CUZD1: variants seen among roughly 807,000 people sequenced by gnomAD.
CUZD1 encodes CUB and zona pellucida-like domain-containing protein 1.
A neutral mutation model predicts 53.1 loss-of-function variants in CUZD1; 42 were observed. That is an observed-to-expected ratio of 0.79 (90% CI 0.62 to 1.02). The LOEUF (loss-of-function observed/expected upper bound fraction) is 1.02. CUZD1 is among the 50% of genes least tolerant of loss of function. CUZD1 has a pLI of 0.00. For missense variants in CUZD1, 670 were observed against 715.7 expected (o/e 0.94, Z 0.73); for synonymous variants, 238 against 257.2 (o/e 0.93, Z 0.71).
intron 8 of CUZD1, 38 bp downstream of exon 8, chr10:122,833,634 T>C (rs540645038): frequency 1.4e-5 from 23 of 1,597,028 alleles, no homozygotes; most frequent in African/African-American, 4.0e-5. Context: ...TTATGAGCCA[T>C]GATGTGCTTT....
intron 7 of CUZD1, 22 bp from the exon 8 acceptor site, chr10:122,833,962 T>C: frequency 6.3e-7 from 1 of 1,599,194 alleles, no homozygotes; most frequent in Non-Finnish European, 8.5e-7. Context: ...TTTATGAACA[T>C]GTTTAGAAGA....
chr10:122,844,579 G>A (rs1018932793), intron 1 of CUZD1, among the ~76,000 whole-genome samples: 9 of 152,120 alleles, frequency 5.9e-5, no homozygotes, highest in South Asian at 4.2e-4. Context: ...GAAATTACCC[G>A]GTAAGGGGCT....
chr10:122,835,777 TG>T (rs1378347853), intron 6 of CUZD1, among the ~76,000 whole-genome samples: 1 of 152,066 alleles, frequency 6.6e-6, no homozygotes, highest in Admixed American at 6.6e-5. Flanking sequence ...TTTTTTTAAA[TG>T]TTTTTTTTTC....
chr10:122,832,575 A>G, intron 8 of CUZD1, 125 bp from the exon 9 acceptor site: 1 of 584,100 alleles, frequency 1.7e-6, no homozygotes, highest in Non-Finnish European at 2.8e-6. Flanking sequence ...ATAATGCATA[A>G]TGCCAACACA....
At chr10:122,844,200 AT>A (rs1008770909) in intron 1 of CUZD1, among the ~76,000 whole-genome samples, 25 of 149,470 alleles carry the variant, frequency 1.7e-4, no homozygotes, top group African/African-American at 5.7e-4. Context: ...GGCTAAAAAA[AT>A]TTTTTTTTTA....
Position 122,833,878 on chromosome 10 carries a change from A to C in CUZD1, c.1445T>G (p.Phe482Cys). 6.2e-7 allele frequency: 1 copy of C among 1,613,994 alleles called. No individual in the cohort carries two copies. Among genetic ancestry groups the C allele is most frequent in the Non-Finnish European group, 8.5e-7 (1 of 1,179,872 alleles). ...PLFGHYGRFQFNAFKFLRSMS... is the reference protein window; with the variant it reads ...PLFGHYGRFQCNAFKFLRSMS... ...ACTTCTCAAGAATTTAAAGGCATTA[A>C]ACTGGAATCTCCCATAGTGTCCAAA... The change falls in exon 8 of 9, where the codon TTT (phenylalanine) becomes TGT (cysteine). Residue 482 changes from phenylalanine (F) to cysteine (C), a missense_variant. By Grantham distance (205) the Phe-to-Cys change is radical. Coordinates refer to ENST00000392790, the MANE Select transcript of CUZD1 (RefSeq NM_022034.6).
At chr10:122,835,716 A>T (rs1183443720) in intron 6 of CUZD1, among the ~76,000 whole-genome samples, 1 of 152,222 alleles carries the variant, frequency 6.6e-6, no homozygotes, top group Non-Finnish European at 1.5e-5. Flanking sequence ...ACTTCTAGAA[A>T]ATGGAGAACA....
chr10:122,835,547 T>C (rs1281324164), intron 6 of CUZD1, among the ~76,000 whole-genome samples: 1 of 152,202 alleles, frequency 6.6e-6, no homozygotes, highest in African/African-American at 2.4e-5. Context: ...TGTGCGTTCA[T>C]TTTTGGCAAG....
In CUZD1 at chr10:122,834,961, A is replaced by G. The variant is rs1489062454; in HGVS notation, c.1127T>C (p.Ile376Thr). The G allele has an allele frequency of 1.2e-6, 2 of 1,613,798 alleles. No individual in the cohort carries two copies. Among genetic ancestry groups the G allele is most frequent in the Non-Finnish European group, 1.7e-6 (2 of 1,179,790 alleles). The change falls in exon 7 of 9, where the codon ATA (isoleucine) becomes ACA (threonine). Residue 376 changes from isoleucine (I) to threonine (T), a missense_variant. Transcript: ENST00000392790. ...TATTACATCATCTTCTGTTATGTAT[A>G]TTATCTCCACTGTAGAATTATGTCC... Reference protein sequence around the residue: ...EMGHNSTVEIIYITEDDVIQS... With the variant: ...EMGHNSTVEITYITEDDVIQS...
rs544650786 is a variant in CUZD1 at position 122,840,133 on chromosome 10, T to A, written c.234-902A>T. Among the ~76,000 whole-genome samples, 6 of 152,370 alleles carry A rather than the reference T, an allele frequency of 3.9e-5. No homozygotes were observed. The South Asian group carries it at 1.2e-3, about 32-fold the overall frequency. ...ACAGCAAGAATAGCATATATGTTTC[T>A]CAGCAACCATTCCAGGAAATTTGAG... On this transcript the variant is annotated intron_variant, in intron 2 of 8. Coordinates refer to ENST00000392790, the MANE Select transcript of CUZD1 (RefSeq NM_022034.6).
chr10:122,836,737 T>C lies in CUZD1; in HGVS notation c.817+94A>G, dbSNP rs990504269. ...CAACTACATGTGACATGCTTGCAAATAGGAATAGCCACAGGTAGGCTAAAA... is the reference window on the plus strand; with the variant it reads ...CAACTACATGTGACATGCTTGCAAACAGGAATAGCCACAGGTAGGCTAAAA... On this transcript the variant is annotated intron_variant, in intron 5 of 8. Transcript: ENST00000392790. The C allele has an allele frequency of 1.4e-5, 13 of 925,782 alleles. No individual in the cohort carries two copies. The African/African-American group carries it at 2.2e-4, about 15-fold the overall frequency. 57.3% of individuals were successfully genotyped at this position (925,782 alleles called of 1,614,324 possible). A position where few individuals can be genotyped will look rare whatever the true frequency, so the allele number is the denominator to read the frequency against.
chr10:122,833,071 C>T (rs939806228), intron 8 of CUZD1, among the ~76,000 whole-genome samples: 1 of 152,084 alleles, frequency 6.6e-6, no homozygotes, highest in Admixed American at 6.5e-5. Flanking sequence ...TCCTTTAATG[C>T]CATTTACAAC....
chr10:122,832,271 C>T lies in CUZD1; in HGVS notation c.*7G>A. ...AAACATGTCTCACTTAGGGTTGGAC[C>T]TGTTAGTTAATAGTTCTGCAGCTTC... On this transcript the variant is annotated 3_prime_UTR_variant, in exon 9 of 9. Transcript: ENST00000392790. The T allele has an allele frequency of 6.2e-7, 1 of 1,613,428 alleles. No individual in the cohort carries two copies. The highest frequency in any genetic ancestry group is 2.2e-5 in the East Asian group (1 of 44,866).
At chr10:122,844,091 C>T (rs1470628539) in intron 1 of CUZD1, among the ~76,000 whole-genome samples, 4 of 151,414 alleles carry the variant, frequency 2.6e-5, no homozygotes, top group African/African-American at 9.7e-5. Context: ...TGAGATGGCA[C>T]AATCATAGCT....
chr10:122,837,653 T>A (rs565928894), intron 3 of CUZD1, 99 bp from the exon 4 acceptor site: 1 of 1,158,022 alleles, frequency 8.6e-7, no homozygotes, highest in African/African-American at 1.6e-5. Context: ...CTCCTGAGTA[T>A]GATTCCATCT....
At chr10:122,840,406 T>C (rs922605513) in intron 2 of CUZD1, among the ~76,000 whole-genome samples, 1 of 152,130 alleles carries the variant, frequency 6.6e-6, no homozygotes, top group Non-Finnish European at 1.5e-5. Context: ...TAAGAACCAC[T>C]GGGACAGGCG....
Position 122,832,221 on chromosome 10 carries a change from T to C in CUZD1, c.*57A>G. The C allele has an allele frequency of 1.3e-6, 2 of 1,565,248 alleles. No homozygotes were observed. Among genetic ancestry groups the C allele is most frequent in the Non-Finnish European group, 1.8e-6 (2 of 1,140,204 alleles). ...ATTCATAATATGTGTAGCCACGAGG[T>C]AGCATTTCCTTTGGCATCCTGGAGA... is the stretch of plus-strand genomic sequence containing the variant. On this transcript the variant is annotated 3_prime_UTR_variant, in exon 9 of 9. Coordinates refer to ENST00000392790, the MANE Select transcript of CUZD1 (RefSeq NM_022034.6).
intron 8 of CUZD1, among the ~76,000 whole-genome samples, chr10:122,833,404 G>GT (rs1381773525): frequency 6.6e-6 from 1 of 152,006 alleles, no homozygotes; most frequent in Non-Finnish European, 1.5e-5. Flanking sequence ...AAAGAAACTT[G>GT]TTTTTAGAGA....
chr10:122,841,139 T>C lies in CUZD1; in HGVS notation c.233+39A>G, dbSNP rs568710672. On this transcript the variant is annotated intron_variant, in intron 2 of 8. Transcript: ENST00000392790. ...CCTACCCACCCCAATGTGGTCAGAGTTCGATATCCCTTATTAGGAAACTAA... is the reference window on the plus strand; with the variant it reads ...CCTACCCACCCCAATGTGGTCAGAGCTCGATATCCCTTATTAGGAAACTAA... The C allele has an allele frequency of 7.6e-6, 12 of 1,578,566 alleles. No individual in the cohort carries two copies. The South Asian group carries it at 1.4e-4, about 19-fold the overall frequency.
Sources: allele counts gnomAD v4.1 joint callset (sites outside exome capture counted in the v4.1 genomes callset), GRCh38; gene constraint gnomAD v4.1.1; transcripts MANE v1.5; gene names NCBI Gene and HGNC (gene_info 2026-07-23, HGNC 2026-07-21).